The following ZNF735 variants were observed in gnomAD, a reference collection of about 807,000 sequenced individuals.
The protein encoded by ZNF735 is zinc finger protein 735.
ZNF735 carries 11 observed loss-of-function variants against 13.4 expected under a neutral mutation model. That is an observed-to-expected ratio of 0.82 (90% CI 0.52 to 1.36). ZNF735 has a LOEUF of 1.36. Ranked by LOEUF, ZNF735 falls within the 40% of genes most tolerant of loss-of-function variation. The pLI, the probability that ZNF735 is intolerant of heterozygous loss-of-function variation, is 0.00. For synonymous variants in ZNF735, 171 were observed against 162.6 expected, an observed-to-expected ratio of 1.05 and a Z score of -0.39; for missense variants, 500 against 484.6, an observed-to-expected ratio of 1.03 and a Z score of -0.30.
At chr7:64,219,584 G>C in exon 4 of ZNF735, 1 of 1,577,598 alleles carries the variant, frequency 6.3e-7, no homozygotes, top group Non-Finnish European at 8.6e-7. Flanking sequence ...CACAATGCAA[G>C]ATATACTGGA....
intron 1 of ZNF735, 26 bp from the exon 2 acceptor site, chr7:64,213,066 A>T (rs761761363): frequency 6.3e-7 from 1 of 1,595,890 alleles, no homozygotes; most frequent in East Asian, 2.3e-5. Context: ...GTGTGTGTTC[A>T]TGAGGTTTTT....
chr7:64,208,244 G>GTTTTTTTTTT lies in ZNF735; in HGVS notation c.39+1024_39+1033dup, dbSNP rs71060562. ...TTCAAGATAGTAATCTCCAATAAATGTTTTTTTTTTTTTTTTTTTTTTTTT... is the reference window on the plus strand; with the variant it reads ...TTCAAGATAGTAATCTCCAATAAATGTTTTTTTTTTTTTTTTTTTTTTTTTTTTTTTTTTT... On this transcript the variant is annotated intron_variant, in intron 1 of 3. Coordinates refer to ENST00000429565, the Ensembl canonical transcript of ZNF735. Among the ~76,000 whole-genome samples, 63 of 93,088 alleles carry GTTTTTTTTTT rather than the reference G, an allele frequency of 6.8e-4. 12 individuals carry two copies. The highest frequency in any genetic ancestry group is 1.5e-3 in the African/African-American group (36 of 24,074). 61.1% of individuals were successfully genotyped at this position (93,088 alleles called of 152,430 possible).
exon 4 of ZNF735, chr7:64,220,152 T>C: frequency 6.2e-7 from 1 of 1,612,994 alleles, no homozygotes; most frequent in Non-Finnish European, 8.5e-7. Context: ...GCTCCTCAAC[T>C]GTAAAGGCAC....
chr7:64,217,311 A>G (rs1290345205), intron 3 of ZNF735, among the ~76,000 whole-genome samples: 2 of 152,164 alleles, frequency 1.3e-5, no homozygotes, highest in African/African-American at 2.4e-5. Context: ...CTCACCAGAA[A>G]CAGATGCTGG....
At chr7:64,210,415 T>C (rs183897522) in intron 1 of ZNF735, among the ~76,000 whole-genome samples, 13 of 152,316 alleles carry the variant, frequency 8.5e-5, no homozygotes, top group Admixed American at 8.5e-4. Context: ...ATGCTAATAA[T>C]GTGTCTGGGA....
chr7:64,212,240 G>C (rs1231694808), intron 1 of ZNF735, among the ~76,000 whole-genome samples: 1 of 152,152 alleles, frequency 6.6e-6, no homozygotes, highest in African/African-American at 2.4e-5. Context: ...TTACAGGTGA[G>C]AGAAACTGGG....
At chr7:64,214,225 A>C (rs1434614211) in intron 3 of ZNF735, 117 bp downstream of exon 3, 13 of 1,123,478 alleles carry the variant, frequency 1.2e-5, no homozygotes, top group African/African-American at 9.7e-5. Flanking sequence ...GTTTCTGAGA[A>C]GCTTGAGTAT....
At chr7:64,220,123 T>C (rs371184989) in exon 4 of ZNF735, 7 of 1,613,616 alleles carry the variant, frequency 4.3e-6, no homozygotes, top group African/African-American at 1.3e-5. Flanking sequence ...ATGTGAAGAA[T>C]GTGGCAGAAC....
intron 3 of ZNF735, among the ~76,000 whole-genome samples, chr7:64,218,649 A>G (rs1362143175): frequency 6.6e-6 from 1 of 151,920 alleles, no homozygotes; most frequent in Non-Finnish European, 1.5e-5. Flanking sequence ...CTTTTCGAAA[A>G]TTTTGATTTT....
intron 3 of ZNF735, 102 bp downstream of exon 3, chr7:64,214,210 A>G: frequency 8.0e-7 from 1 of 1,255,702 alleles, no homozygotes. Context: ...GCTTTTATGG[A>G]AAGAGTTTCT....
At chr7:64,219,764 A>G in exon 4 of ZNF735, 1 of 1,610,522 alleles carries the variant, frequency 6.2e-7, no homozygotes, top group South Asian at 1.1e-5. Flanking sequence ...CTTACTGGAG[A>G]GAAACCCTAC....
exon 4 of ZNF735, chr7:64,219,659 A>T: frequency 6.3e-7 from 1 of 1,584,752 alleles, no homozygotes; most frequent in South Asian, 1.1e-5. Flanking sequence ...CTAAATCAAC[A>T]TCAGATAATT....
chr7:64,209,618 C>T (rs1787333846), intron 1 of ZNF735, among the ~76,000 whole-genome samples: 1 of 152,150 alleles, frequency 6.6e-6, no homozygotes, highest in Non-Finnish European at 1.5e-5. Flanking sequence ...AGCCGCAGTG[C>T]ATGGCCTGTT....
chr7:64,219,611 G>T (rs1253350163), exon 4 of ZNF735: 2 of 1,575,800 alleles, frequency 1.3e-6, no homozygotes, highest in Non-Finnish European at 1.7e-6. Flanking sequence ...CATTTGAAAT[G>T]TAAAAAATAT....
intron 1 of ZNF735, among the ~76,000 whole-genome samples, chr7:64,209,085 A>G (rs1285448837): frequency 2.0e-5 from 3 of 152,212 alleles, no homozygotes; most frequent in African/African-American, 4.8e-5. Flanking sequence ...TGTATTCCCA[A>G]TTGTGGTACT....
At chr7:64,208,621 TA>T (rs144791709) in intron 1 of ZNF735, among the ~76,000 whole-genome samples, 5,421 of 152,204 alleles carry the variant, frequency 0.036, 169 homozygotes, top group East Asian at 0.16. Flanking sequence ...GTTATATAGG[TA>T]AAATCATATC....
At chr7:64,214,356 T>A (rs1280168607) in intron 3 of ZNF735, among the ~76,000 whole-genome samples, 1 of 152,208 alleles carries the variant, frequency 6.6e-6, no homozygotes, top group Non-Finnish European at 1.5e-5. Context: ...GTTCACAGTG[T>A]GAGCCAAAGT....
intron 1 of ZNF735, 137 bp downstream of exon 1, chr7:64,207,378 G>C: frequency 6.5e-7 from 1 of 1,538,546 alleles, no homozygotes; most frequent in Admixed American, 1.8e-5. Flanking sequence ...GCCCAGTTCG[G>C]CTGTTAGCCC....
At chr7:64,220,056 C>T in exon 4 of ZNF735, 3 of 1,612,540 alleles carry the variant, frequency 1.9e-6, no homozygotes, top group South Asian at 2.2e-5. Context: ...AAGCCTTTAA[C>T]TGCTCCTCGA....
Sources: gnomAD v4.1 joint callset for allele counts (sites outside exome capture counted in the v4.1 genomes callset) on GRCh38, gnomAD v4.1.1 for gene constraint, MANE v1.5 for transcripts, NCBI Gene and HGNC (gene_info 2026-07-23, HGNC 2026-07-21) for gene names.